The following ACACA variants were observed in gnomAD, a reference collection of about 807,000 sequenced individuals.
The protein encoded by ACACA is acetyl-CoA carboxylase alpha, also known as acetyl-CoA carboxylase 1.
Under a neutral mutation model 296.1 loss-of-function variants are expected in ACACA, and 103 were observed. The observed-to-expected ratio is 0.35, with a 90% CI of 0.30 to 0.41. The LOEUF (loss-of-function observed/expected upper bound fraction) is 0.41, where lower values mean the gene tolerates loss of function less well. Ranked by LOEUF, ACACA falls within the 10% of genes least tolerant of loss-of-function variation. ACACA has a pLI of 1.00. For synonymous variants in ACACA, 953 were observed against 1,038.6 expected, an observed-to-expected ratio of 0.92 and a Z score of 1.58; for missense variants, 1,554 against 2,989.7, an observed-to-expected ratio of 0.52 and a Z score of 11.20.
intron 1 of ACACA, among the ~76,000 whole-genome samples, chr17:37,377,603 T>C (rs1568074383): frequency 1.3e-5 from 2 of 151,874 alleles, no homozygotes; most frequent in African/African-American, 4.8e-5. Flanking sequence ...AATGTTGCAA[T>C]GAGCGGAGAT....
At chr17:37,346,426 G>T (rs909122327) in intron 1 of ACACA, among the ~76,000 whole-genome samples, 4 of 152,146 alleles carry the variant, frequency 2.6e-5, no homozygotes, top group South Asian at 2.1e-4. Context: ...TTGAGACCAG[G>T]TGTGGTGGCT....
intron 9 of ACACA, among the ~76,000 whole-genome samples, chr17:37,273,410 G>T (rs1186035718): frequency 6.6e-6 from 1 of 152,202 alleles, no homozygotes; most frequent in Non-Finnish European, 1.5e-5. Context: ...TTTCTACATG[G>T]ATAGACAATA....
chr17:37,367,924 G>A (rs1417803149), intron 1 of ACACA, among the ~76,000 whole-genome samples: 13 of 151,880 alleles, frequency 8.6e-5, no homozygotes, highest in East Asian at 1.9e-4. Context: ...AAAATTAGCC[G>A]GGTGTGGTGG....
intron 1 of ACACA, among the ~76,000 whole-genome samples, chr17:37,396,339 C>A (rs1330963339): frequency 1.1e-3 from 145 of 135,086 alleles, no homozygotes; most frequent in African/African-American, 1.3e-3. Flanking sequence ...GACTCCATCT[C>A]AAAAAAAAAA....
intron 43 of ACACA, 38 bp from the exon 44 acceptor site, chr17:37,151,459 C>T: frequency 1.2e-6 from 2 of 1,610,748 alleles, no homozygotes; most frequent in Non-Finnish European, 1.7e-6. Flanking sequence ...GAATGTTAAA[C>T]ACAGTAACAA....
chr17:37,109,811 T>A (rs904142616), intron 52 of ACACA, among the ~76,000 whole-genome samples: 1 of 152,126 alleles, frequency 6.6e-6, no homozygotes, highest in Non-Finnish European at 1.5e-5. Flanking sequence ...AGGATCCCTC[T>A]CCCTACCACC....
intron 1 of ACACA, among the ~76,000 whole-genome samples, chr17:37,365,258 C>T (rs1363647538): frequency 6.6e-6 from 1 of 152,048 alleles, no homozygotes; most frequent in Non-Finnish European, 1.5e-5. Context: ...CATGCCTGGC[C>T]CACAGTTCAG....
intron 42 of ACACA, among the ~76,000 whole-genome samples, chr17:37,156,170 T>C (rs1478687390): frequency 1.3e-5 from 2 of 150,408 alleles, no homozygotes; most frequent in African/African-American, 4.9e-5. Flanking sequence ...TTCACACCAT[T>C]CTCCTGCCTC....
chr17:37,337,274 C>T (rs79843190), intron 2 of ACACA, among the ~76,000 whole-genome samples: 18,364 of 151,950 alleles, frequency 0.12, 1,743 homozygotes, highest in East Asian at 0.45. Context: ...TAATTAGCTG[C>T]ATGTGGTGGC....
At chr17:37,216,534 A>G (rs1195314135) in intron 29 of ACACA, among the ~76,000 whole-genome samples, 3 of 152,156 alleles carry the variant, frequency 2.0e-5, no homozygotes, top group Non-Finnish European at 4.4e-5. Flanking sequence ...CTGCTTTTTA[A>G]AAAAATTATT....
intron 45 of ACACA, among the ~76,000 whole-genome samples, chr17:37,145,174 G>A (rs1471869350): frequency 1.3e-5 from 2 of 152,214 alleles, no homozygotes; most frequent in East Asian, 3.9e-4. Context: ...GAGAGGAAGA[G>A]TGGTGGGAGG....
intron 3 of ACACA, among the ~76,000 whole-genome samples, chr17:37,317,789 A>G (rs1179074309): frequency 6.6e-6 from 1 of 152,188 alleles, no homozygotes; most frequent in South Asian, 2.1e-4. Context: ...CATTTCCACA[A>G]TTAGCTAAGT....
In ACACA at chr17:37,263,680, T is replaced by G; in HGVS notation, c.1329+5A>C. 6.2e-7 allele frequency: 1 copy of G among 1,611,976 alleles called. No individual in the cohort carries two copies. Among genetic ancestry groups the G allele is most frequent in the Non-Finnish European group, 8.5e-7 (1 of 1,178,130 alleles). Reference sequence around the variant, plus strand: ...AACATAAAGTAAGCCTTTTAATATATGTACCTGTTCCATGTGTTCAAATAC... The same window carrying G: ...AACATAAAGTAAGCCTTTTAATATAGGTACCTGTTCCATGTGTTCAAATAC... On this transcript the variant is annotated splice_donor_5th_base_variant and intron_variant, in intron 11 of 55. Coordinates refer to ENST00000616317, the MANE Select transcript of ACACA (RefSeq NM_198834.3).
chr17:37,341,057 C>G (rs1349126353), intron 1 of ACACA, among the ~76,000 whole-genome samples: 1 of 152,096 alleles, frequency 6.6e-6, no homozygotes, highest in Admixed American at 6.6e-5. Context: ...GGCAACATAG[C>G]AAGACCCCCA....
intron 1 of ACACA, among the ~76,000 whole-genome samples, chr17:37,360,794 T>C (rs1020756195): frequency 6.6e-6 from 1 of 152,108 alleles, no homozygotes; most frequent in Non-Finnish European, 1.5e-5. Flanking sequence ...TATCAATCAG[T>C]TGGACAAATG....
intron 50 of ACACA, among the ~76,000 whole-genome samples, chr17:37,117,266 A>G (rs143294301): frequency 1.4e-3 from 216 of 152,350 alleles, no homozygotes; most frequent in African/African-American, 4.9e-3. Flanking sequence ...CTACATATAC[A>G]TAATGTCTCT....
intron 45 of ACACA, among the ~76,000 whole-genome samples, chr17:37,132,401 A>G (rs2143527244): frequency 6.6e-6 from 1 of 152,348 alleles, no homozygotes. Context: ...TGTCACTTAC[A>G]GAGGCCACGC....
intron 52 of ACACA, among the ~76,000 whole-genome samples, chr17:37,098,688 A>G (rs1164107976): frequency 6.6e-6 from 1 of 152,204 alleles, no homozygotes; most frequent in East Asian, 1.9e-4. Flanking sequence ...CCCTGACCAG[A>G]CAAAGACATT....
rs541907325 is a variant in ACACA, at chr17:37,373,708, C to T, written c.38+32554G>A. Among the ~76,000 whole-genome samples the T allele has an allele frequency of 5.9e-4, 90 of 152,194 alleles. 1 individual carries two copies. The highest frequency in any genetic ancestry group is 3.9e-3 in the Admixed American group (59 of 15,272). On this transcript the variant is annotated intron_variant, in intron 1 of 55. Coordinates refer to ENST00000616317, the MANE Select transcript of ACACA (RefSeq NM_198834.3). The stretch of plus-strand genomic sequence containing the variant: ...ACACTGGATGAGAACAGCAAGCCCT[C>T]AGATCAATTCCTACTCCTGCTCCAA...
Sources: gnomAD v4.1 joint callset for allele counts (sites outside exome capture counted in the v4.1 genomes callset) on GRCh38, gnomAD v4.1.1 for gene constraint, MANE v1.5 for transcripts, NCBI Gene and HGNC (gene_info 2026-07-23, HGNC 2026-07-21) for gene names.